Variants in DNAL1 observed in about 807,000 individuals in gnomAD.
The protein encoded by DNAL1 is dynein axonemal light chain 1.
DNAL1 carries 17 observed loss-of-function variants against 29.4 expected under a neutral mutation model. That is an observed-to-expected ratio of 0.58 (90% CI 0.40 to 0.87). The LOEUF (loss-of-function observed/expected upper bound fraction) is 0.87, where lower values mean the gene tolerates loss of function less well. Ranked by LOEUF, DNAL1 falls within the 40% of genes least tolerant of loss-of-function variation. The probability of loss-of-function intolerance (pLI) is 0.00; values close to 1 mark genes in which losing one functional copy is unlikely to be tolerated. For missense variants in DNAL1, 188 were observed against 214.1 expected, an observed-to-expected ratio of 0.88 and a Z score of 0.76; for synonymous variants, 78 against 76.3, an observed-to-expected ratio of 1.02 and a Z score of -0.12.
intron 4 of DNAL1, among the ~76,000 whole-genome samples, chr14:73,666,696 G>A (rs1332244417): frequency 6.6e-6 from 1 of 152,136 alleles, no homozygotes; most frequent in Non-Finnish European, 1.5e-5. Context: ...TCAAAAAGGG[G>A]TTAGAGATTA....
Position 73,696,117 on chromosome 14 carries a change from A to T in DNAL1, c.*175A>T. The T allele has an allele frequency of 1.6e-6, 1 of 623,080 alleles. No homozygotes were observed. Among genetic ancestry groups the T allele is most frequent in the Non-Finnish European group, 2.6e-6 (1 of 380,432 alleles). 38.6% of individuals were successfully genotyped at this position (623,080 alleles called of 1,614,324 possible). A position where few individuals can be genotyped will look rare whatever the true frequency, so the allele number is the denominator to read the frequency against. ...AACTTATTCAGTGTTTCTCCCCAAA[A>T]CTGGTAATGCCAACCTTATATATCC... On this transcript the variant is annotated 3_prime_UTR_variant, in exon 8 of 8. Coordinates refer to ENST00000553645, the MANE Select transcript of DNAL1 (RefSeq NM_031427.4).
intron 7 of DNAL1, among the ~76,000 whole-genome samples, chr14:73,689,930 G>C (rs936482918): frequency 1.3e-5 from 2 of 151,926 alleles, no homozygotes; most frequent in African/African-American, 4.8e-5. Context: ...CAGCTACTCG[G>C]GAGGCTGAGG....
chr14:73,649,472 T>C (rs540768314), intron 1 of DNAL1, among the ~76,000 whole-genome samples: 9 of 147,816 alleles, frequency 6.1e-5, no homozygotes, highest in South Asian at 2.1e-4. Flanking sequence ...TTAGTAGAGA[T>C]GGGGTTTCAC....
At chr14:73,655,336 TTTTTC>T (rs1484848215) in intron 2 of DNAL1, among the ~76,000 whole-genome samples, 2 of 151,630 alleles carry the variant, frequency 1.3e-5, no homozygotes, top group African/African-American at 2.4e-5. Context: ...TTTCTTTTTC[TTTTTC>T]TTTTCTTTTT....
chr14:73,649,225 C>T (rs1360028672), intron 1 of DNAL1, among the ~76,000 whole-genome samples: 2 of 151,762 alleles, frequency 1.3e-5, no homozygotes, highest in Non-Finnish European at 2.9e-5. Flanking sequence ...CCACCCAGCT[C>T]AGCCTCCCAA....
At chr14:73,657,945 T>A (rs950167639) in intron 2 of DNAL1, among the ~76,000 whole-genome samples, 9 of 152,236 alleles carry the variant, frequency 5.9e-5, no homozygotes, top group Non-Finnish European at 1.2e-4. Context: ...TTGTTGCCTG[T>A]GCTTTTGAGG....
intron 1 of DNAL1, among the ~76,000 whole-genome samples, chr14:73,653,422 C>T (rs1335379140): frequency 1.3e-5 from 2 of 151,946 alleles, no homozygotes; most frequent in Non-Finnish European, 2.9e-5. Context: ...TGCGATCATC[C>T]CTCACTGTAA....
At chr14:73,691,060 T>C (rs1892160915) in intron 7 of DNAL1, among the ~76,000 whole-genome samples, 1 of 152,234 alleles carries the variant, frequency 6.6e-6, no homozygotes, top group Non-Finnish European at 1.5e-5. Flanking sequence ...GAAATTGTGC[T>C]AATTAATTAA....
rs368002424 is a variant in DNAL1 at position 73,655,775 on chromosome 14, A to T, written c.42+890A>T. Among the ~76,000 whole-genome samples, 17 of 152,328 alleles carry T rather than the reference A, an allele frequency of 1.1e-4. No individual in the cohort carries two copies. The East Asian group carries it at 2.7e-3, about 24-fold the overall frequency. ...GCCTCGTGGAGGTTAGTACAGAGGC[A>T]ATCATTGTGGACAATGTAAATCATG... is the stretch of plus-strand genomic sequence containing the variant. On this transcript the variant is annotated intron_variant, in intron 2 of 7. Transcript: ENST00000553645.
At chr14:73,672,623 A>G (rs1021505134) in intron 5 of DNAL1, among the ~76,000 whole-genome samples, 4 of 150,490 alleles carry the variant, frequency 2.7e-5, no homozygotes, top group East Asian at 1.9e-4. Flanking sequence ...AAAAAAAAAA[A>G]AAAGAAATTC....
chr14:73,677,880 A>G (rs1023742182), intron 5 of DNAL1, among the ~76,000 whole-genome samples: 17 of 37,142 alleles, frequency 4.6e-4, no homozygotes, highest in African/African-American at 1.1e-3. Context: ...ATATATATAT[A>G]TATTTGTGTG....
chr14:73,649,688 C>G (rs894532536), intron 1 of DNAL1, among the ~76,000 whole-genome samples: 1 of 152,190 alleles, frequency 6.6e-6, no homozygotes, highest in African/African-American at 2.4e-5. Context: ...TACATACATT[C>G]TGATACCCTT....
rs147916441 is a variant in DNAL1, at chr14:73,662,208, TAG to T, written c.208+170_208+171del. ...TTAAGTTTGATTATCCAAAGAAAAATAGAGATAGCATGAGCTCTGAACGTTTT... is the reference window on the plus strand; with the variant it reads ...TTAAGTTTGATTATCCAAAGAAAAATAGATAGCATGAGCTCTGAACGTTTT... On this transcript the variant is annotated intron_variant, in intron 4 of 7. Coordinates refer to ENST00000553645, the MANE Select transcript of DNAL1 (RefSeq NM_031427.4). Among the ~76,000 whole-genome samples the T allele has an allele frequency of 8.3e-3, 1,266 of 152,216 alleles. 25 individuals are homozygous for T. The highest frequency in any genetic ancestry group is 0.029 in the African/African-American group (1,198 of 41,534).
At chr14:73,668,375 C>G (rs774109560) in intron 4 of DNAL1, among the ~76,000 whole-genome samples, 2 of 151,906 alleles carry the variant, frequency 1.3e-5, no homozygotes, top group Non-Finnish European at 2.9e-5. Context: ...AATAAGTTAT[C>G]GAATAAGCGT....
chr14:73,649,464 A>G (rs1289068989), intron 1 of DNAL1, among the ~76,000 whole-genome samples: 3 of 149,242 alleles, frequency 2.0e-5, no homozygotes, highest in Non-Finnish European at 1.5e-5. Context: ...TTGTATTTTT[A>G]GTAGAGATGG....
chr14:73,649,270 G>A (rs1002977723), intron 1 of DNAL1, among the ~76,000 whole-genome samples: 4 of 151,454 alleles, frequency 2.6e-5, no homozygotes, highest in South Asian at 2.1e-4. Context: ...CACAGTGCCC[G>A]GCTGATGTGT....
chr14:73,657,046 AGTGCTAGGATTATAGGCATGAGCCATT>A (rs925130428), intron 2 of DNAL1, among the ~76,000 whole-genome samples: 1 of 150,876 alleles, frequency 6.6e-6, no homozygotes, highest in African/African-American at 2.4e-5. Context: ...AGCCTCCCAA[AGTGCTAGGATTATAGGCATGAGCCATT>A]GTGCCCGGCC....
intron 4 of DNAL1, among the ~76,000 whole-genome samples, chr14:73,669,982 CAT>C (rs1056614167): frequency 4.3e-5 from 6 of 140,812 alleles, no homozygotes; most frequent in Non-Finnish European, 1.7e-5. Flanking sequence ...CACACACACA[CAT>C]ACACACACAC....
intron 1 of DNAL1, among the ~76,000 whole-genome samples, chr14:73,649,917 C>G (rs1595198960): frequency 6.6e-6 from 1 of 152,110 alleles, no homozygotes; most frequent in Non-Finnish European, 1.5e-5. Flanking sequence ...TAAATCATCT[C>G]TAGGTTACTT....
Sources: gnomAD v4.1 joint callset for allele counts (sites outside exome capture counted in the v4.1 genomes callset) on GRCh38, gnomAD v4.1.1 for gene constraint, MANE v1.5 for transcripts, NCBI Gene and HGNC (gene_info 2026-07-23, HGNC 2026-07-21) for gene names.